Variants in ZSCAN30 observed in about 807,000 individuals in gnomAD.
The protein encoded by ZSCAN30 is zinc finger and SCAN domain-containing protein 30.
A neutral mutation model predicts 44.3 loss-of-function variants in ZSCAN30; 37 were observed. That is an observed-to-expected ratio of 0.84 (90% CI 0.64 to 1.10). The LOEUF (loss-of-function observed/expected upper bound fraction) is 1.10, where lower values mean the gene tolerates loss of function less well. Ranked by LOEUF, ZSCAN30 falls within the 50% of genes least tolerant of loss-of-function variation. ZSCAN30 has a pLI of 0.00. For missense variants in ZSCAN30, 549 were observed against 582.6 expected (o/e 0.94, Z 0.59); for synonymous variants, 181 against 204.6 (o/e 0.88, Z 0.98).
chr18:35,286,420 A>G (rs2044550717), intron 1 of ZSCAN30, among the ~76,000 whole-genome samples: 1 of 152,166 alleles, frequency 6.6e-6, no homozygotes, highest in Non-Finnish European at 1.5e-5. Context: ...CCAACAATAT[A>G]TAAAAAGGAT....
At chr18:35,267,518 G>T (rs1005815795) in intron 1 of ZSCAN30, 1 of 152,092 alleles carries the variant, frequency 6.6e-6, no homozygotes, top group African/African-American at 2.4e-5. Flanking sequence ...CCCCGGGAGC[G>T]AGAACAATGC....
intron 1 of ZSCAN30, chr18:35,267,835 T>C (rs976743922): frequency 1.3e-5 from 2 of 151,636 alleles, no homozygotes; most frequent in Admixed American, 6.6e-5. Flanking sequence ...CGAGAACCCA[T>C]GATCTCTACA....
At chr18:35,272,178 T>C (rs550448737) in intron 1 of ZSCAN30, among the ~76,000 whole-genome samples, 4 of 152,264 alleles carry the variant, frequency 2.6e-5, no homozygotes, top group Admixed American at 2.6e-4. Context: ...TTGTCACCTC[T>C]CACTACCACC....
chr18:35,258,932 A>G (rs916611007), intron 3 of ZSCAN30: 1 of 150,950 alleles, frequency 6.6e-6, no homozygotes, highest in Non-Finnish European at 1.5e-5. Context: ...ACTGCATTCA[A>G]GTATAGATTG....
chr18:35,275,106 G>C (rs532978567), intron 1 of ZSCAN30, among the ~76,000 whole-genome samples: 10 of 151,022 alleles, frequency 6.6e-5, no homozygotes, highest in African/African-American at 2.2e-4. Flanking sequence ...TTTGTGTGCA[G>C]TTATGAGGCA....
chr18:35,271,967 A>C (rs913969111), intron 1 of ZSCAN30, among the ~76,000 whole-genome samples: 1 of 152,040 alleles, frequency 6.6e-6, no homozygotes, highest in African/African-American at 2.4e-5. Flanking sequence ...GCCCGCGCCC[A>C]CCCGGAACTC....
At chr18:35,279,933 GA>G (rs889998610) in intron 1 of ZSCAN30, among the ~76,000 whole-genome samples, 1 of 152,084 alleles carries the variant, frequency 6.6e-6, no homozygotes, top group Non-Finnish European at 1.5e-5. Context: ...CTTTTGGGGG[GA>G]TACAATTCAA....
At chr18:35,286,988 T>C (rs1382119988) in intron 1 of ZSCAN30, among the ~76,000 whole-genome samples, 1 of 152,136 alleles carries the variant, frequency 6.6e-6, no homozygotes, top group Admixed American at 6.5e-5. Flanking sequence ...ACAAGATTAA[T>C]ATACAAAAAT....
chr18:35,255,162 C>G (rs1405014129), intron 3 of ZSCAN30, among the ~76,000 whole-genome samples: 1 of 151,188 alleles, frequency 6.6e-6, no homozygotes, highest in African/African-American at 2.4e-5. Context: ...ACATGACTGC[C>G]CAGAGCCAGA....
At chr18:35,281,200 T>G (rs2044449670) in intron 1 of ZSCAN30, 3 of 152,256 alleles carry the variant, frequency 2.0e-5, no homozygotes. Flanking sequence ...CCTATCAGTT[T>G]CATTCTTGAG....
chr18:35,275,339 A>G (rs535360846), intron 1 of ZSCAN30, among the ~76,000 whole-genome samples: 4 of 152,346 alleles, frequency 2.6e-5, no homozygotes, highest in African/African-American at 9.6e-5. Flanking sequence ...ACTACAGGTC[A>G]CTCAGTATTG....
chr18:35,263,549 T>C lies in ZSCAN30; in HGVS notation c.517A>G (p.Thr173Ala). The C allele has an allele frequency of 6.2e-7, 1 of 1,614,188 alleles. No homozygotes were observed. The highest frequency in any genetic ancestry group is 1.1e-5 in the South Asian group (1 of 91,086). ...AAAGCCTGGGACTCCTGAGTCTCAG[T>C]CTTGCACTGGTTCTCTAAGGGCTGC... ...PVQPLENQCKTETQESQAFQE... is the reference protein window; with the variant it reads ...PVQPLENQCKAETQESQAFQE... The change falls in exon 3 of 4, where the codon ACT (threonine) becomes GCT (alanine). Residue 173 changes from threonine to alanine, a missense_variant. Coordinates refer to ENST00000333206, the MANE Select transcript of ZSCAN30 (RefSeq NM_001112734.4).
rs747936973 is a variant in ZSCAN30, at chr18:35,263,278, AT to A, written c.553+234del. On this transcript the variant is annotated intron_variant, in intron 3 of 3. Transcript: ENST00000333206. Reference sequence around the variant, plus strand: ...AAAAGAAAAAAGAAAAAGAAAAAAAATAATTATGGGTATTAGAGAATTTTAC... The same window carrying A: ...AAAAGAAAAAAGAAAAAGAAAAAAAAAATTATGGGTATTAGAGAATTTTAC... The A allele has an allele frequency of 9.6e-5, 47 of 491,900 alleles. No homozygotes were observed. The East Asian group carries it at 1.1e-3, about 12-fold the overall frequency. The allele number at this position is 491,900 out of a possible 1,614,324, so 30.5% of individuals were successfully genotyped here.
At chr18:35,271,149 A>C (rs1040727371) in intron 1 of ZSCAN30, among the ~76,000 whole-genome samples, 2 of 152,154 alleles carry the variant, frequency 1.3e-5, no homozygotes, top group African/African-American at 4.8e-5. Context: ...AACCCTCCGC[A>C]CTGTGGAAAA....
Position 35,253,816 on chromosome 18 carries a change from G to T in ZSCAN30, c.1119C>A (p.Ile373=). 1.9e-6 allele frequency: 3 copies of T among 1,614,116 alleles called. No individual in the cohort carries two copies. Among genetic ancestry groups the T allele is most frequent in the Non-Finnish European group, 2.5e-6 (3 of 1,180,008 alleles). The part of the protein sequence containing the change: ...GKAFRGSSEL[I]RHRRIHTGEK... The stretch of plus-strand genomic sequence containing the variant: ...CTCCAGTGTGGATTCTCCGATGCCT[G>T]ATGAGCTCTGAACTGCCCCTGAAGG... The change falls in exon 4 of 4, where the codon ATC becomes ATA. Residue 373 remains isoleucine (I), a synonymous_variant. Coordinates refer to ENST00000333206, the MANE Select transcript of ZSCAN30 (RefSeq NM_001112734.4).
At chr18:35,257,778 T>C (rs1320943208) in intron 3 of ZSCAN30, 15 of 711,328 alleles carry the variant, frequency 2.1e-5, no homozygotes, top group Non-Finnish European at 7.8e-6. Flanking sequence ...GCCCCATCTC[T>C]GCGTCAAGAA....
intron 1 of ZSCAN30, chr18:35,281,727 T>C (rs186906547): frequency 6.6e-6 from 1 of 152,330 alleles, no homozygotes; most frequent in Admixed American, 6.5e-5. Context: ...TCCCTGAGTA[T>C]AGTGACTCTT....
intron 1 of ZSCAN30, among the ~76,000 whole-genome samples, chr18:35,276,696 G>A (rs1346673473): frequency 6.6e-6 from 1 of 152,238 alleles, no homozygotes; most frequent in Non-Finnish European, 1.5e-5. Context: ...ATGCCTGGCT[G>A]TCAAAGCAAA....
intron 1 of ZSCAN30, chr18:35,267,964 A>G (rs1398676691): frequency 6.6e-6 from 1 of 152,142 alleles, no homozygotes; most frequent in African/African-American, 2.4e-5. Flanking sequence ...AATGCCGAGG[A>G]CGCCAGGTGC....
Sources: allele counts gnomAD v4.1 joint callset (sites outside exome capture counted in the v4.1 genomes callset), GRCh38; gene constraint gnomAD v4.1.1; transcripts MANE v1.5; gene names NCBI Gene and HGNC (gene_info 2026-07-23, HGNC 2026-07-21).